The following THSD7B variants were observed in gnomAD, a reference collection of about 807,000 sequenced individuals.
The protein encoded by THSD7B is thrombospondin type-1 domain-containing protein 7B.
Under a neutral mutation model 213.6 loss-of-function variants are expected in THSD7B, and 138 were observed. The observed-to-expected ratio is 0.65, with a 90% CI of 0.56 to 0.74. The LOEUF is 0.74. THSD7B is among the 30% of genes least tolerant of loss of function. The pLI is 0.00. For synonymous variants in THSD7B, 742 were observed against 687.0 expected (o/e 1.08, Z -1.25); for missense variants, 1,931 against 1,991.5 (o/e 0.97, Z 0.58).
At chr2:136,832,551 A>C (rs1211250796) in intron 1 of THSD7B, among the ~76,000 whole-genome samples, 1 of 152,174 alleles carries the variant, frequency 6.6e-6, no homozygotes, top group Admixed American at 6.5e-5. Flanking sequence ...TTTTATCCAG[A>C]CACACTCAGA....
intron 20 of THSD7B, among the ~76,000 whole-genome samples, chr2:137,624,492 G>A (rs1682584756): frequency 6.6e-6 from 1 of 151,540 alleles, no homozygotes. Flanking sequence ...TCTAATTAAA[G>A]AGCTACTGCA....
At chr2:137,222,079 C>T (rs1681383800) in intron 7 of THSD7B, among the ~76,000 whole-genome samples, 1 of 152,110 alleles carries the variant, frequency 6.6e-6, no homozygotes, top group East Asian at 1.9e-4. Context: ...AATCATTTTT[C>T]TATTTGGAAT....
In THSD7B at chr2:137,115,152, G is replaced by C; in HGVS notation, c.1228G>C (p.Glu410Gln). ...TTCCTGGAGAACTTCTGAATGGAAA[G>C]AATGCCAAGTCTCTCTCCTCCTCGA... ...RYSWRTSEWK[E>Q]CQVSLLLEQQ... Residue 410 changes from glutamate to glutamine, a missense_variant, in exon 5 of 28, where the codon GAA becomes CAA. By Grantham distance (29) the Glu-to-Gln change is conservative (BLOSUM62 2). Coordinates refer to ENST00000409968, the MANE Select transcript of THSD7B (RefSeq NM_001316349.2). The C allele has an allele frequency of 6.2e-7, 1 of 1,613,952 alleles. No homozygotes were observed. Among genetic ancestry groups the C allele is most frequent in the South Asian group, 1.1e-5 (1 of 91,088 alleles).
In THSD7B at chr2:137,160,354, C is replaced by T; in HGVS notation, c.1511C>T (p.Pro504Leu). ...TGCATCCATGAAAACTGTCATGATC[C>T]TCAGGGGAAAAAAGGTGAGTGCCTT... ...GLCIHENCHD[P>L]QGKKGFRTRQ... is the part of the protein sequence containing the mutation. The change falls in exon 6 of 28, where the codon CCT (proline) becomes CTT (leucine). Residue 504 changes from proline (P) to leucine (L), a missense_variant. Coordinates refer to ENST00000409968, the MANE Select transcript of THSD7B (RefSeq NM_001316349.2). 6.2e-7 allele frequency: 1 copy of T among 1,611,670 alleles called. No homozygotes were observed. The highest frequency in any genetic ancestry group is 8.5e-7 in the Non-Finnish European group (1 of 1,179,060).
intron 13 of THSD7B, among the ~76,000 whole-genome samples, chr2:137,409,023 A>G (rs1324104884): frequency 1.3e-5 from 2 of 152,234 alleles, no homozygotes; most frequent in Non-Finnish European, 2.9e-5. Context: ...TGCTAGCGGC[A>G]GAGTGGTACA....
intron 15 of THSD7B, among the ~76,000 whole-genome samples, chr2:137,557,741 A>G (rs1234706274): frequency 1.3e-5 from 2 of 152,202 alleles, no homozygotes; most frequent in Admixed American, 6.5e-5. Context: ...ACATAGAGAC[A>G]CAAAAAACCC....
At chr2:137,060,305 A>G (rs949339884) in intron 3 of THSD7B, among the ~76,000 whole-genome samples, 3 of 151,898 alleles carry the variant, frequency 2.0e-5, no homozygotes, top group African/African-American at 4.8e-5. Context: ...TTGACAGTCT[A>G]TGATTTGTGT....
chr2:137,404,474 T>TACACACACACACACACACAC (rs1207612144), intron 12 of THSD7B, among the ~76,000 whole-genome samples: 3 of 40,262 alleles, frequency 7.5e-5, no homozygotes, highest in African/African-American at 2.7e-4. Context: ...TATATATATA[T>TACACACACACACACACACAC]ACACACACAC....
At chr2:137,342,792 A>T (rs1684790931) in intron 12 of THSD7B, among the ~76,000 whole-genome samples, 1 of 151,630 alleles carries the variant, frequency 6.6e-6, no homozygotes, top group Admixed American at 6.6e-5. Flanking sequence ...AGATGATCAT[A>T]TGGTTTTTAT....
chr2:137,252,482 T>G (rs1162051942), intron 10 of THSD7B, among the ~76,000 whole-genome samples: 1 of 151,998 alleles, frequency 6.6e-6, no homozygotes, highest in Non-Finnish European at 1.5e-5. Context: ...TTTATTTATT[T>G]GTAGAGATGG....
chr2:137,563,223 A>G lies in THSD7B; in HGVS notation c.3141A>G (p.Val1047=). 4 of 1,613,176 alleles carry G rather than the reference A, an allele frequency of 2.5e-6. No homozygotes were observed. Among genetic ancestry groups the G allele is most frequent in the Non-Finnish European group, 3.4e-6 (4 of 1,179,410 alleles). The change falls in exon 16 of 28, where the codon GTA becomes GTG. Residue 1047 remains valine (V), a splice_region_variant and synonymous_variant. Transcript: ENST00000409968. ...PCPKLDLKNQ[V]HEAVPCYSEC... ...TGTTTCTTTCCTGTTCTTGACAGGT[A>G]CATGAGGCAGTCCCATGTTACAGTG...
intron 12 of THSD7B, among the ~76,000 whole-genome samples, chr2:137,333,790 C>G (rs1359945328): frequency 6.6e-6 from 1 of 152,110 alleles, no homozygotes; most frequent in East Asian, 1.9e-4. Context: ...TAGTCCTGGT[C>G]TCCTCTAGTT....
intron 12 of THSD7B, 137 bp downstream of exon 12, chr2:137,276,163 T>C: frequency 1.5e-6 from 1 of 672,428 alleles, no homozygotes; most frequent in Non-Finnish European, 2.4e-6. Context: ...TGATGTTAAA[T>C]ATAAATAGGA....
At chr2:136,974,365 ACAGGCCC>A (rs1685447851) in intron 2 of THSD7B, among the ~76,000 whole-genome samples, 1 of 148,844 alleles carries the variant, frequency 6.7e-6, no homozygotes, top group South Asian at 2.1e-4. Context: ...CCCGCCCCGC[ACAGGCCC>A]CAGATTGTGT....
chr2:137,009,599 G>A (rs887404635), intron 2 of THSD7B, among the ~76,000 whole-genome samples: 14 of 152,094 alleles, frequency 9.2e-5, no homozygotes, highest in Non-Finnish European at 1.8e-4. Context: ...GGAAAGGTGC[G>A]TCTTACATGG....
chr2:137,180,978 A>G lies in THSD7B; in HGVS notation c.1723+10040A>G, dbSNP rs138897583. Among the ~76,000 whole-genome samples, 191 of 152,286 alleles carry G rather than the reference A, an allele frequency of 1.3e-3. 1 individual carries two copies. The highest frequency in any genetic ancestry group is 9.8e-4 in the Non-Finnish European group (67 of 68,022). On this transcript the variant is annotated intron_variant, in intron 7 of 27. Coordinates refer to ENST00000409968, the MANE Select transcript of THSD7B (RefSeq NM_001316349.2). Reference sequence around the variant, plus strand: ...TAAGCATGTTGCCTTTTCTTTCCTTAGTGTGAGCTAAGAGCAAGAGAGATC... The same window carrying G: ...TAAGCATGTTGCCTTTTCTTTCCTTGGTGTGAGCTAAGAGCAAGAGAGATC...
intron 2 of THSD7B, among the ~76,000 whole-genome samples, chr2:137,024,845 A>G (rs1367240739): frequency 6.6e-6 from 1 of 152,134 alleles, no homozygotes; most frequent in Non-Finnish European, 1.5e-5. Flanking sequence ...CTTGCTGACA[A>G]TATCTTATCT....
intron 12 of THSD7B, among the ~76,000 whole-genome samples, chr2:137,395,291 C>T (rs1237777367): frequency 6.8e-6 from 1 of 147,648 alleles, no homozygotes; most frequent in Non-Finnish European, 1.5e-5. Flanking sequence ...ATGATATTGG[C>T]TGTGGGTTTG....
chr2:137,345,767 T>A (rs1684862728), intron 12 of THSD7B, among the ~76,000 whole-genome samples: 1 of 151,596 alleles, frequency 6.6e-6, no homozygotes, highest in Non-Finnish European at 1.5e-5. Flanking sequence ...AGATAGTATG[T>A]GAGTTTAGAA....
Sources: allele counts gnomAD v4.1 joint callset (sites outside exome capture counted in the v4.1 genomes callset), GRCh38; gene constraint gnomAD v4.1.1; transcripts MANE v1.5; gene names NCBI Gene and HGNC (gene_info 2026-07-23, HGNC 2026-07-21).